The following GUCY1A2 variants were observed in gnomAD, a reference collection of about 807,000 sequenced individuals.
GUCY1A2 encodes guanylate cyclase 1 soluble subunit alpha 2, also known as guanylate cyclase soluble subunit alpha-2.
Under a neutral mutation model 63.5 loss-of-function variants are expected in GUCY1A2, and 27 were observed. That is an observed-to-expected ratio of 0.43 (90% CI 0.31 to 0.59). GUCY1A2 has a LOEUF of 0.59. GUCY1A2 is among the 20% of genes least tolerant of loss of function. The probability of loss-of-function intolerance (pLI) is 0.11; values close to 1 mark genes in which losing one functional copy is unlikely to be tolerated. For synonymous variants in GUCY1A2, 364 were observed against 343.5 expected (o/e 1.06, Z -0.66); for missense variants, 768 against 913.3 (o/e 0.84, Z 2.05).
chr11:106,776,623 G>A lies in GUCY1A2; in HGVS notation c.1693-41C>T, dbSNP rs370526085. The A allele has an allele frequency of 1.6e-5, 25 of 1,578,184 alleles. No homozygotes were observed. In the African/African-American group the frequency reaches 2.6e-4, roughly 16 times the overall value. ...AAATCAAATGCAAACGTATGATAATGAGCCCAAAGAGAAATGATTAGTTAT... is the reference window on the plus strand; with the variant it reads ...AAATCAAATGCAAACGTATGATAATAAGCCCAAAGAGAAATGATTAGTTAT... On this transcript the variant is annotated intron_variant, in intron 5 of 7. Coordinates refer to ENST00000526355, the MANE Select transcript of GUCY1A2 (RefSeq NM_000855.3).
At chr11:106,947,078 G>A (rs1253301395) in intron 3 of GUCY1A2, among the ~76,000 whole-genome samples, 4 of 151,874 alleles carry the variant, frequency 2.6e-5, no homozygotes, top group African/African-American at 4.8e-5. Context: ...TTAGCTGGGC[G>A]CAGTGGCAGG....
At chr11:106,696,391 A>T (rs2135339823) in intron 7 of GUCY1A2, among the ~76,000 whole-genome samples, 1 of 152,324 alleles carries the variant, frequency 6.6e-6, no homozygotes, top group East Asian at 1.9e-4. Context: ...CACATTTTTC[A>T]CTTCTCTGAC....
rs1200169354 is a variant in GUCY1A2, at chr11:106,709,346, TTA to T, written c.1837-682_1837-681del. On this transcript the variant is annotated intron_variant, in intron 6 of 7. Coordinates refer to ENST00000526355, the MANE Select transcript of GUCY1A2 (RefSeq NM_000855.3). ...ATATATTATATAAATATATATAAAT[TTA>T]TATATTTTATATAATATATATAAAT... is the stretch of plus-strand genomic sequence containing the variant. Among the ~76,000 whole-genome samples, 5 of 97,452 alleles carry T rather than the reference TTA, an allele frequency of 5.1e-5. No individual in the cohort carries two copies. The East Asian group carries it at 1.3e-3, about 25-fold the overall frequency. 63.9% of individuals were successfully genotyped at this position (97,452 alleles called of 152,430 possible). A position where few individuals can be genotyped will look rare whatever the true frequency, so the allele number is the denominator to read the frequency against.
intron 5 of GUCY1A2, among the ~76,000 whole-genome samples, 168 bp from the exon 6 acceptor site, chr11:106,776,750 A>G (rs1021580066): frequency 6.6e-6 from 1 of 152,236 alleles, no homozygotes; most frequent in African/African-American, 2.4e-5. Flanking sequence ...AAACAGCCAC[A>G]GTCAAATACT....
intron 4 of GUCY1A2, among the ~76,000 whole-genome samples, chr11:106,933,514 A>C (rs1591333093): frequency 6.6e-6 from 1 of 152,312 alleles, no homozygotes; most frequent in Non-Finnish European, 1.5e-5. Context: ...AAATTAGTTC[A>C]GCGTTTGTGA....
At chr11:106,870,270 A>G (rs986268161) in intron 4 of GUCY1A2, among the ~76,000 whole-genome samples, 6 of 152,100 alleles carry the variant, frequency 3.9e-5, no homozygotes, top group Non-Finnish European at 8.8e-5. Flanking sequence ...AAATATATCT[A>G]TAAAAAAACT....
intron 4 of GUCY1A2, among the ~76,000 whole-genome samples, chr11:106,885,461 C>T (rs1033066741): frequency 1.1e-4 from 17 of 152,142 alleles, no homozygotes; most frequent in African/African-American, 3.1e-4. Flanking sequence ...TTCTCGAATG[C>T]TAATTTATCA....
chr11:106,779,754 G>C (rs578107025), intron 5 of GUCY1A2, among the ~76,000 whole-genome samples: 8 of 152,246 alleles, frequency 5.3e-5, no homozygotes, highest in Non-Finnish European at 7.4e-5. Flanking sequence ...TTCTCCTTAG[G>C]AGTATGTACT....
intron 5 of GUCY1A2, among the ~76,000 whole-genome samples, chr11:106,785,978 C>T: frequency 6.6e-6 from 1 of 151,894 alleles, no homozygotes; most frequent in East Asian, 1.9e-4. Context: ...TCCACTCCAT[C>T]CATAGGGTAA....
chr11:106,894,783 C>G (rs1860023232), intron 4 of GUCY1A2, among the ~76,000 whole-genome samples: 1 of 151,730 alleles, frequency 6.6e-6, no homozygotes, highest in South Asian at 2.1e-4. Context: ...AGAGTAACAC[C>G]ACTGAATGCA....
chr11:106,792,361 G>A (rs1287336602), intron 5 of GUCY1A2, among the ~76,000 whole-genome samples: 1 of 135,364 alleles, frequency 7.4e-6, no homozygotes, highest in Non-Finnish European at 1.5e-5. Context: ...ACTCCAGCCT[G>A]GGCAACAGAG....
chr11:106,714,380 A>C (rs557653270), intron 6 of GUCY1A2, among the ~76,000 whole-genome samples: 143 of 152,324 alleles, frequency 9.4e-4, no homozygotes, highest in African/African-American at 2.9e-3. Context: ...ACCACTGGAA[A>C]CTTACAAGCT....
At chr11:106,768,084 C>T (rs1864193981) in intron 6 of GUCY1A2, among the ~76,000 whole-genome samples, 1 of 152,138 alleles carries the variant, frequency 6.6e-6, no homozygotes, top group African/African-American at 2.4e-5. Flanking sequence ...CCAGTGATTG[C>T]AGTTTACAAA....
Position 107,018,140 on chromosome 11 carries a change from G to T in GUCY1A2, c.-85C>A. On this transcript the variant is annotated 5_prime_UTR_variant, in exon 1 of 8. Transcript: ENST00000526355. ...GGCGGCGGTGGCGGGACCGGCAAGC[G>T]ACAACGTTAAGCGCGTCGGGGCCGC... 2 of 900,664 alleles carry T rather than the reference G, an allele frequency of 2.2e-6. No homozygotes were observed. Among genetic ancestry groups the T allele is most frequent in the Non-Finnish European group, 3.0e-6 (2 of 672,804 alleles). The allele number at this position is 900,664 out of a possible 1,614,324, so 55.8% of individuals were successfully genotyped here.
intron 4 of GUCY1A2, among the ~76,000 whole-genome samples, chr11:106,819,908 G>A (rs1858878928): frequency 6.6e-6 from 1 of 152,082 alleles, no homozygotes; most frequent in South Asian, 2.1e-4. Flanking sequence ...AATACTGCAT[G>A]GCCTCACCTA....
At chr11:106,926,768 A>G (rs1311068910) in intron 4 of GUCY1A2, among the ~76,000 whole-genome samples, 2 of 151,946 alleles carry the variant, frequency 1.3e-5, no homozygotes, top group Admixed American at 1.3e-4. Flanking sequence ...CTCGAAAGAA[A>G]TGTCTGGGGA....
chr11:106,812,610 T>G (rs902862774), intron 4 of GUCY1A2, among the ~76,000 whole-genome samples: 13 of 151,986 alleles, frequency 8.6e-5, no homozygotes, highest in Admixed American at 8.5e-4. Flanking sequence ...AATTAGTGTA[T>G]GTATGTATGC....
chr11:106,852,814 T>A (rs147933640), intron 4 of GUCY1A2, among the ~76,000 whole-genome samples: 5 of 152,288 alleles, frequency 3.3e-5, no homozygotes, highest in African/African-American at 1.2e-4. Context: ...GTAATGTTGG[T>A]CTCATATAAT....
At chr11:106,774,650 C>A (rs988875156) in intron 6 of GUCY1A2, among the ~76,000 whole-genome samples, 2 of 152,066 alleles carry the variant, frequency 1.3e-5, no homozygotes, top group South Asian at 2.1e-4. Context: ...TCATTTGGAA[C>A]CTCAATTGAA....
Sources: allele counts gnomAD v4.1 joint callset (sites outside exome capture counted in the v4.1 genomes callset), GRCh38; gene constraint gnomAD v4.1.1; transcripts MANE v1.5; gene names NCBI Gene and HGNC (gene_info 2026-07-23, HGNC 2026-07-21).